CADPS2: variants seen among roughly 807,000 people sequenced by gnomAD.
CADPS2 encodes the protein calcium dependent secretion activator 2.
A neutral mutation model predicts 172.5 loss-of-function variants in CADPS2; 93 were observed. The observed-to-expected ratio is 0.54, with a 90% CI of 0.46 to 0.64. The LOEUF (loss-of-function observed/expected upper bound fraction) is 0.64. Among genes scored for constraint, CADPS2 ranks in the 30% least tolerant of loss-of-function variants. The pLI is 0.00. For synonymous variants in CADPS2, 546 were observed against 555.2 expected (o/e 0.98, Z 0.23); for missense variants, 1,420 against 1,565.9 (o/e 0.91, Z 1.57).
chr7:122,529,137 G>C (rs984171001), intron 8 of CADPS2, among the ~76,000 whole-genome samples: 5 of 151,970 alleles, frequency 3.3e-5, no homozygotes, highest in African/African-American at 1.2e-4. Flanking sequence ...TTGTGAAGTT[G>C]TTCCTTATAA....
Position 122,635,947 on chromosome 7 carries a change from T to G in CADPS2, c.787-6619A>C, listed in dbSNP as rs1416859069. On this transcript the variant is annotated intron_variant, in intron 3 of 29. Coordinates refer to ENST00000449022, the MANE Select transcript of CADPS2 (RefSeq NM_017954.11). Reference sequence around the variant, plus strand: ...CTCCCACATTTTTTTTTGTTTTCCATTTGCATGATAGATCTTTCTCTACCT... The same window carrying G: ...CTCCCACATTTTTTTTTGTTTTCCAGTTGCATGATAGATCTTTCTCTACCT... Among the ~76,000 whole-genome samples the G allele has an allele frequency of 5.3e-5, 8 of 152,344 alleles. 1 individual carries two copies. The highest frequency in any genetic ancestry group is 5.2e-4 in the Admixed American group (8 of 15,302).
rs192684675 is a variant in CADPS2, at chr7:122,467,762, A to C, written c.2186+3613T>G. Among the ~76,000 whole-genome samples, 312 of 152,306 alleles carry C rather than the reference A, an allele frequency of 2.0e-3. 2 individuals are homozygous for C. Among genetic ancestry groups the C allele is most frequent in the African/African-American group, 7.1e-3 (295 of 41,566 alleles). ...CACCCTCAGCCTGACTTACAAAACC[A>C]AGACGTATAACCACACATATCAACC... On this transcript the variant is annotated intron_variant, in intron 14 of 29. Transcript: ENST00000449022.
chr7:122,722,421 A>G (rs1297301470), intron 2 of CADPS2, among the ~76,000 whole-genome samples: 1 of 151,598 alleles, frequency 6.6e-6, no homozygotes, highest in Non-Finnish European at 1.5e-5. Flanking sequence ...GAGCCAAATC[A>G]TGAGTGAACT....
Position 122,471,430 on chromosome 7 carries a change from G to A in CADPS2, c.2131C>T (p.Pro711Ser). The change falls in exon 14 of 30, where the codon CCT becomes TCT. Residue 711 changes from proline (P) to serine (S), a missense_variant. Coordinates refer to ENST00000449022, the MANE Select transcript of CADPS2 (RefSeq NM_017954.11). ...EHSENGAVID[P>S]TLLHYSFAFC... Reference sequence around the variant, plus strand: ...GCAAAGCTGTAATGGAGCAGGGTAGGGTCAATGACAGCACCATTTTCTGAA... The same window carrying A: ...GCAAAGCTGTAATGGAGCAGGGTAGAGTCAATGACAGCACCATTTTCTGAA... 1 of 1,613,414 alleles carries A rather than the reference G, an allele frequency of 6.2e-7. No individual in the cohort carries two copies. Among genetic ancestry groups the A allele is most frequent in the South Asian group, 1.1e-5 (1 of 91,056 alleles).
chr7:122,666,430 A>G (rs1290461076), intron 2 of CADPS2, among the ~76,000 whole-genome samples: 2 of 144,730 alleles, frequency 1.4e-5, no homozygotes, highest in African/African-American at 5.2e-5. Context: ...TGCAAACTCC[A>G]CTTCCCAGGT....
intron 28 of CADPS2, among the ~76,000 whole-genome samples, chr7:122,339,951 C>A (rs144857492): frequency 6.6e-6 from 1 of 152,278 alleles, no homozygotes. Context: ...CAAACAAGAG[C>A]ATGTAAGTGC....
At chr7:122,355,346 C>T (rs186757564) in intron 27 of CADPS2, among the ~76,000 whole-genome samples, 19 of 152,180 alleles carry the variant, frequency 1.2e-4, no homozygotes, top group Admixed American at 7.2e-4. Flanking sequence ...TTTGGGATGC[C>T]GAGGCAGGCG....
chr7:122,393,065 T>TAAAAA, intron 22 of CADPS2, 131 bp downstream of exon 22: 1 of 880,950 alleles, frequency 1.1e-6, no homozygotes, highest in South Asian at 2.4e-5. Context: ...AAAACTCAAA[T>TAAAAA]AAAAAAAAAA....
rs2092376623 is a variant in CADPS2 at position 122,739,884 on chromosome 7, C to T, written c.340-2816G>A. 2.6e-5 allele frequency among the ~76,000 whole-genome samples: 4 copies of T among 151,854 alleles called. No homozygotes were observed. In the South Asian group the frequency reaches 6.2e-4, roughly 24 times the overall value. On this transcript the variant is annotated intron_variant, in intron 1 of 29. Transcript: ENST00000449022. ...AGTGGAACAGATCGAAGAAACAGACCGAAATACAATCAGAAATGTACTATA... is the reference window on the plus strand; with the variant it reads ...AGTGGAACAGATCGAAGAAACAGACTGAAATACAATCAGAAATGTACTATA...
rs1335755051 is a variant in CADPS2 at position 122,552,791 on chromosome 7, T to TA, written c.1475+1758_1475+1759insT. On this transcript the variant is annotated intron_variant, in intron 8 of 29. Coordinates refer to ENST00000449022, the MANE Select transcript of CADPS2 (RefSeq NM_017954.11). ...TAGGTTCCTGTTTTTTTTTTTTTTTTTTATTATTGTGCCATTCATCAAAAG... is the reference window on the plus strand; with the variant it reads ...TAGGTTCCTGTTTTTTTTTTTTTTTTATTATTATTGTGCCATTCATCAAAAG... Among the ~76,000 whole-genome samples, 701 of 150,840 alleles carry TA rather than the reference T, an allele frequency of 4.6e-3. 4 individuals are homozygous for TA. Among genetic ancestry groups the TA allele is most frequent in the African/African-American group, 0.016 (656 of 40,904 alleles).
At chr7:122,443,539 C>T (rs1305335912) in intron 15 of CADPS2, among the ~76,000 whole-genome samples, 1 of 151,556 alleles carries the variant, frequency 6.6e-6, no homozygotes, top group Non-Finnish European at 1.5e-5. Context: ...TAAACCAGCA[C>T]AGATTTATCT....
intron 6 of CADPS2, among the ~76,000 whole-genome samples, chr7:122,612,603 G>A (rs936819011): frequency 6.6e-6 from 1 of 151,754 alleles, no homozygotes; most frequent in Non-Finnish European, 1.5e-5. Context: ...TGTTAAGATG[G>A]CAGTATGCTC....
At chr7:122,650,857 A>T (rs1032787985) in intron 3 of CADPS2, among the ~76,000 whole-genome samples, 7 of 152,162 alleles carry the variant, frequency 4.6e-5, no homozygotes, top group Non-Finnish European at 8.8e-5. Flanking sequence ...TCCAATTTAC[A>T]TTATGATACA....
chr7:122,755,020 T>C (rs1279961848), intron 1 of CADPS2, among the ~76,000 whole-genome samples: 6 of 152,176 alleles, frequency 3.9e-5, no homozygotes, highest in Non-Finnish European at 8.8e-5. Context: ...ATAGATTTAA[T>C]TTTTACAAAT....
rs922866912 is a variant in CADPS2 at position 122,561,149 on chromosome 7, T to C, written c.1336-6460A>G. Reference sequence around the variant, plus strand: ...ACAGACACAGTGCTCTTTTGTATACTGAAAGATTAGCATTAAATCTTGTCA... The same window carrying C: ...ACAGACACAGTGCTCTTTTGTATACCGAAAGATTAGCATTAAATCTTGTCA... On this transcript the variant is annotated intron_variant, in intron 7 of 29. Coordinates refer to ENST00000449022, the MANE Select transcript of CADPS2 (RefSeq NM_017954.11). Among the ~76,000 whole-genome samples the C allele has an allele frequency of 4.0e-4, 61 of 152,198 alleles. 1 individual carries two copies. The highest frequency in any genetic ancestry group is 4.0e-3 in the Admixed American group (61 of 15,278).
intron 1 of CADPS2, among the ~76,000 whole-genome samples, chr7:122,816,082 G>C (rs1801294556): frequency 6.6e-6 from 1 of 151,850 alleles, no homozygotes; most frequent in South Asian, 2.1e-4. Flanking sequence ...ATTAACTACA[G>C]TCACCTTATC....
chr7:122,878,785 C>T (rs1822046221), intron 1 of CADPS2, among the ~76,000 whole-genome samples: 1 of 151,624 alleles, frequency 6.6e-6, no homozygotes. Context: ...AACATTAGCC[C>T]ACAAGGGGAT....
chr7:122,608,978 A>G (rs1011787561), intron 6 of CADPS2, among the ~76,000 whole-genome samples: 7 of 152,284 alleles, frequency 4.6e-5, no homozygotes, highest in African/African-American at 1.4e-4. Flanking sequence ...GCTTGAGGCC[A>G]GGAATTTGAG....
intron 9 of CADPS2, among the ~76,000 whole-genome samples, chr7:122,509,169 T>C (rs965107785): frequency 1.3e-5 from 2 of 152,156 alleles, no homozygotes; most frequent in African/African-American, 4.8e-5. Flanking sequence ...GAGTCTGCTG[T>C]AATGGGTCCC....
Sources: gnomAD v4.1 joint callset for allele counts (sites outside exome capture counted in the v4.1 genomes callset) on GRCh38, gnomAD v4.1.1 for gene constraint, MANE v1.5 for transcripts, NCBI Gene and HGNC (gene_info 2026-07-23, HGNC 2026-07-21) for gene names.